CACHD1: variants seen among roughly 807,000 people sequenced by gnomAD.
CACHD1 encodes cache domain containing 1.
Under a neutral mutation model 138.7 loss-of-function variants are expected in CACHD1, and 71 were observed. The observed-to-expected ratio is 0.51, with a 90% CI of 0.42 to 0.62. The LOEUF is 0.62. Ranked by LOEUF, CACHD1 falls within the 20% of genes least tolerant of loss-of-function variation. The pLI is 0.00. For missense variants in CACHD1, 1,389 were observed against 1,625.3 expected, an observed-to-expected ratio of 0.85 and a Z score of 2.50; for synonymous variants, 578 against 591.5, an observed-to-expected ratio of 0.98 and a Z score of 0.33.
At chr1:64,648,818 AT>A (rs900562878) in intron 9 of CACHD1, among the ~76,000 whole-genome samples, 1 of 152,170 alleles carries the variant, frequency 6.6e-6, no homozygotes, top group African/African-American at 2.4e-5. Flanking sequence ...AAAATACAAC[AT>A]TTTCCTCAAG....
intron 14 of CACHD1, 103 bp from the exon 15 acceptor site, chr1:64,664,395 G>A (rs931935157): frequency 1.8e-6 from 2 of 1,117,902 alleles, no homozygotes; most frequent in Non-Finnish European, 2.6e-6. Flanking sequence ...AAGTAATTCG[G>A]CTTGGCTTCT....
chr1:64,673,087 G>A (rs1479897699), intron 17 of CACHD1, 71 bp from the exon 18 acceptor site: 2 of 1,225,078 alleles, frequency 1.6e-6, no homozygotes, highest in Admixed American at 3.6e-5. Flanking sequence ...CAAGATAAAT[G>A]CTCTCTGAAT....
Position 64,641,959 on chromosome 1 carries a change from CCTCATGAACGGT to C in CACHD1, c.1147_1156+2del. On this transcript the variant is annotated splice_donor_variant and coding_sequence_variant, in exon 8 of 27. Transcript: ENST00000651257. LOFTEE classifies it high-confidence loss of function. The stretch of plus-strand genomic sequence containing the variant: ...ACTCTGTAATGATTCTCACCTATGC[CCTCATGAACGGT>C]AGGTAGAGTTTCAAGATATTCCTTT... 1 of 1,575,384 alleles carries C rather than the reference CCTCATGAACGGT, an allele frequency of 6.3e-7. No individual in the cohort carries two copies. Among genetic ancestry groups the C allele is most frequent in the Non-Finnish European group, 8.6e-7 (1 of 1,166,432 alleles).
intron 3 of CACHD1, among the ~76,000 whole-genome samples, chr1:64,596,561 G>A (rs1348647407): frequency 6.6e-6 from 1 of 152,136 alleles, no homozygotes; most frequent in African/African-American, 2.4e-5. Flanking sequence ...CCAGAAAAAC[G>A]TGTGCTGTTC....
intron 4 of CACHD1, among the ~76,000 whole-genome samples, chr1:64,622,642 C>T (rs760437920): frequency 3.1e-4 from 47 of 152,040 alleles, no homozygotes; most frequent in Non-Finnish European, 4.6e-4. Context: ...TTTCTTAATA[C>T]GGAAGTACTA....
At chr1:64,679,797 G>C in intron 24 of CACHD1, 41 bp downstream of exon 24, 3 of 1,606,520 alleles carry the variant, frequency 1.9e-6, no homozygotes, top group Non-Finnish European at 2.5e-6. Context: ...CAGCAGCCAG[G>C]CTAGAAGGAC....
At chr1:64,614,052 C>A (rs1444429327) in intron 4 of CACHD1, among the ~76,000 whole-genome samples, 2 of 152,204 alleles carry the variant, frequency 1.3e-5, no homozygotes, top group Admixed American at 6.5e-5. Flanking sequence ...GGGAATTTTT[C>A]CTCACCATTT....
At chr1:64,566,342 C>A (rs7547394) in intron 2 of CACHD1, among the ~76,000 whole-genome samples, 6,895 of 152,244 alleles carry the variant, frequency 0.045, 545 homozygotes, top group African/African-American at 0.16. Context: ...TCCTCAAAAA[C>A]AACTCTTCCA....
At chr1:64,553,815 AT>A (rs1218908086) in intron 2 of CACHD1, among the ~76,000 whole-genome samples, 5 of 152,004 alleles carry the variant, frequency 3.3e-5, no homozygotes, top group Admixed American at 1.3e-4. Flanking sequence ...CCCCAAATTA[AT>A]TTTGTGTTTG....
intron 10 of CACHD1, 38 bp from the exon 11 acceptor site, chr1:64,653,720 T>A: frequency 1.2e-6 from 2 of 1,600,744 alleles, no homozygotes; most frequent in Non-Finnish European, 1.7e-6. Context: ...TCCTACAACA[T>A]GTTTCTTATT....
At chr1:64,547,336 A>G (rs1265468484) in intron 1 of CACHD1, among the ~76,000 whole-genome samples, 1 of 152,172 alleles carries the variant, frequency 6.6e-6, no homozygotes, top group African/African-American at 2.4e-5. Flanking sequence ...GATCTTGTGC[A>G]CACACATAAG....
intron 7 of CACHD1, among the ~76,000 whole-genome samples, chr1:64,637,034 G>T (rs761457807): frequency 2.0e-5 from 3 of 152,118 alleles, no homozygotes; most frequent in Admixed American, 6.6e-5. Flanking sequence ...AGTTGCCCTT[G>T]GTTCAGTAAG....
At chr1:64,547,073 T>C (rs1281611479) in intron 1 of CACHD1, among the ~76,000 whole-genome samples, 1 of 152,210 alleles carries the variant, frequency 6.6e-6, no homozygotes, top group Non-Finnish European at 1.5e-5. Context: ...GCCTCAATGC[T>C]TTAACTTTTT....
chr1:64,477,925 C>T (rs532853621), intron 1 of CACHD1, among the ~76,000 whole-genome samples: 2 of 151,912 alleles, frequency 1.3e-5, no homozygotes, highest in Non-Finnish European at 2.9e-5. Context: ...TGAGCCACCG[C>T]GCCCGGCCCC....
intron 1 of CACHD1, among the ~76,000 whole-genome samples, chr1:64,481,974 C>T (rs1242731787): frequency 4.6e-5 from 7 of 152,046 alleles, no homozygotes; most frequent in African/African-American, 1.7e-4. Flanking sequence ...GCCGTGAACC[C>T]ATGGCAATTA....
At chr1:64,631,566 A>T (rs527753569) in intron 5 of CACHD1, among the ~76,000 whole-genome samples, 96 of 152,242 alleles carry the variant, frequency 6.3e-4, no homozygotes, top group African/African-American at 2.2e-3. Context: ...TTCACAGGAA[A>T]ATCTAGTGTT....
chr1:64,574,492 A>G (rs1257093167), intron 2 of CACHD1, among the ~76,000 whole-genome samples: 1 of 152,178 alleles, frequency 6.6e-6, no homozygotes, highest in African/African-American at 2.4e-5. Flanking sequence ...TGACAGCTGT[A>G]GTAAGGTCAT....
chr1:64,541,925 A>T (rs891472545), intron 1 of CACHD1, among the ~76,000 whole-genome samples: 1 of 152,190 alleles, frequency 6.6e-6, no homozygotes, highest in Non-Finnish European at 1.5e-5. Flanking sequence ...CATTAATAGA[A>T]TGTTATTATA....
At chr1:64,658,620 G>A in intron 12 of CACHD1, 85 bp from the exon 13 acceptor site, 1 of 926,458 alleles carries the variant, frequency 1.1e-6, no homozygotes, top group Admixed American at 2.7e-5. Context: ...AGAAGGTAGA[G>A]GCAGTAGAAA....
Sources: gnomAD v4.1 joint callset for allele counts (sites outside exome capture counted in the v4.1 genomes callset) on GRCh38, gnomAD v4.1.1 for gene constraint, MANE v1.5 for transcripts, NCBI Gene and HGNC (gene_info 2026-07-23, HGNC 2026-07-21) for gene names.